PIEZO1: variants seen among roughly 807,000 people sequenced by gnomAD.
PIEZO1 encodes piezo-type mechanosensitive ion channel component 1.
PIEZO1 carries 296 observed loss-of-function variants against 297.2 expected under a neutral mutation model. The observed-to-expected ratio is 1.00, with a 90% CI of 0.91 to 1.10. The LOEUF is 1.10. Ranked by LOEUF, PIEZO1 falls within the 50% of genes least tolerant of loss-of-function variation. The pLI is 0.00. For missense variants in PIEZO1, 5,018 were observed against 3,455.5 expected (o/e 1.45, Z -11.34); for synonymous variants, 2,427 against 1,507.5 (o/e 1.61, Z -14.13).
At chr16:88,757,646 G>C (rs1280266703) in intron 1 of PIEZO1, among the ~76,000 whole-genome samples, 2 of 152,184 alleles carry the variant, frequency 1.3e-5, no homozygotes, top group African/African-American at 4.8e-5. Flanking sequence ...GGAAGCAGGA[G>C]AGCCCGAGGG....
In PIEZO1 at chr16:88,734,939, C is replaced by T. The variant is rs1419431631; in HGVS notation, c.1784G>A (p.Gly595Asp). Residue 595 changes from glycine to aspartate, a missense_variant, in exon 14 of 51, where the codon GGC (glycine) becomes GAC (aspartate). Transcript: ENST00000301015. The part of the protein sequence containing the change: ...AGMFIVVSFA[G>D]RLVVYKIVYM... ...GACAATCTTGTAGACCACGAGGCGG[C>T]CGGCGAAGCTGACCACGATGAACAT... 3.2e-6 allele frequency: 5 copies of T among 1,550,352 alleles called. No homozygotes were observed. The Admixed American group carries it at 7.8e-5, about 24-fold the overall frequency.
At chr16:88,758,112 C>G (rs775683284) in intron 1 of PIEZO1, among the ~76,000 whole-genome samples, 12 of 152,148 alleles carry the variant, frequency 7.9e-5, no homozygotes, top group Non-Finnish European at 1.8e-4. Flanking sequence ...CCTCCTCAGC[C>G]CTGTGGTCCC....
chr16:88,734,282 A>ACTCCCACCTGG, intron 16 of PIEZO1, 74 bp downstream of exon 16: 1 of 1,362,844 alleles, frequency 7.3e-7, no homozygotes, highest in Non-Finnish European at 9.8e-7. Context: ...CTCCTGTCCA[A>ACTCCCACCTGG]CTCCCACCTG....
At chr16:88,777,156 A>T (rs1398826662) in intron 1 of PIEZO1, among the ~76,000 whole-genome samples, 1 of 152,208 alleles carries the variant, frequency 6.6e-6, no homozygotes, top group Admixed American at 6.5e-5. Context: ...TATTTTCAGT[A>T]GGGACAGGGT....
intron 1 of PIEZO1, among the ~76,000 whole-genome samples, chr16:88,761,714 C>T (rs544249446): frequency 4.6e-5 from 7 of 152,172 alleles, no homozygotes; most frequent in Admixed American, 1.3e-4. Context: ...GCCTGGGTGG[C>T]CCTTCCCCCA....
intron 2 of PIEZO1, chr16:88,744,118 C>T (rs1038534807): frequency 6.0e-5 from 10 of 166,142 alleles, no homozygotes; most frequent in Non-Finnish European, 1.1e-4. Flanking sequence ...AGTCTGGCAG[C>T]AGGAGGGCAC....
chr16:88,731,706 C>T lies in PIEZO1; in HGVS notation c.3196G>A (p.Asp1066Asn). 1.3e-6 allele frequency: 2 copies of T among 1,549,030 alleles called. No individual in the cohort carries two copies. Among genetic ancestry groups the T allele is most frequent in the Non-Finnish European group, 1.7e-6 (2 of 1,146,438 alleles). ...CLGMPPALCI[D>N]YPWRWSRAVP... ...CCCACCCAAGCCACGTGCCCCTCAC[C>T]AATGCACAGGGCCGGGGGCATCCCC... is the stretch of plus-strand genomic sequence containing the variant. Residue 1066 changes from aspartate (D) to asparagine (N), a missense_variant and splice_region_variant, in exon 22 of 51, where the codon GAT becomes AAT. Physicochemically the swap from Asp to Asn is conservative, Grantham distance 23 (BLOSUM62 1). Coordinates refer to ENST00000301015, the MANE Select transcript of PIEZO1 (RefSeq NM_001142864.4).
intron 10 of PIEZO1, chr16:88,737,330 C>G (rs1184812284): frequency 2.0e-6 from 1 of 510,496 alleles, no homozygotes; most frequent in African/African-American, 2.1e-5. Context: ...GACGCGGCCA[C>G]TCAGCTGCCC....
In PIEZO1 at chr16:88,722,992, G is replaced by T. The variant is rs1904293114; in HGVS notation, c.4513C>A (p.Gln1505Lys). The T allele has an allele frequency of 1.3e-6, 2 of 1,498,270 alleles. No homozygotes were observed. Among genetic ancestry groups the T allele is most frequent in the Admixed American group, 2.0e-5 (1 of 50,638 alleles). The allele number at this position is 1,498,270 out of a possible 1,614,324, so 92.8% of individuals were successfully genotyped here. Residue 1505 changes from glutamine to lysine, a missense_variant, in exon 34 of 51, where the codon CAG becomes AAG. Coordinates refer to ENST00000301015, the MANE Select transcript of PIEZO1 (RefSeq NM_001142864.4). ...AACTGCGCCGTGCTCAGCACCCTCTGCACCACATGGCTCCGGCCTGCGGGA... is the reference window on the plus strand; with the variant it reads ...AACTGCGCCGTGCTCAGCACCCTCTTCACCACATGGCTCCGGCCTGCGGGA... ...EAAAGRSHVV[Q>K]RVLSTAQFLW... is the part of the protein sequence containing the mutation.
chr16:88,779,595 C>T (rs1211957127), intron 1 of PIEZO1, among the ~76,000 whole-genome samples: 2 of 152,308 alleles, frequency 1.3e-5, no homozygotes, highest in African/African-American at 4.8e-5. Flanking sequence ...ACAGGACCGG[C>T]GTGAGAGGAT....
intron 2 of PIEZO1, chr16:88,743,469 A>G: frequency 2.2e-6 from 1 of 447,462 alleles, no homozygotes; most frequent in Non-Finnish European, 4.5e-6. Flanking sequence ...CCTTCTCACA[A>G]CTTCCTGGAG....
At chr16:88,753,881 G>C (rs1331358972) in intron 1 of PIEZO1, among the ~76,000 whole-genome samples, 2 of 152,228 alleles carry the variant, frequency 1.3e-5, no homozygotes, top group African/African-American at 4.8e-5. Flanking sequence ...TCGCAGATCA[G>C]GCTCAGGCAG....
rs759756482 is a variant in PIEZO1 at position 88,734,351 on chromosome 16, C to G, written c.2180+5G>C. On this transcript the variant is annotated splice_donor_5th_base_variant and intron_variant, in intron 16 of 50. Coordinates refer to ENST00000301015, the MANE Select transcript of PIEZO1 (RefSeq NM_001142864.4). ...CAGGGCCGGACAGGGAGGGCGGGGCCGCACCTGTGAGCCCAGCGCGGGAGG... is the reference window on the plus strand; with the variant it reads ...CAGGGCCGGACAGGGAGGGCGGGGCGGCACCTGTGAGCCCAGCGCGGGAGG... 4 of 1,517,460 alleles carry G rather than the reference C, an allele frequency of 2.6e-6. No individual in the cohort carries two copies. Among genetic ancestry groups the G allele is most frequent in the South Asian group, 2.5e-5 (2 of 78,918 alleles). 94.0% of individuals were successfully genotyped at this position (1,517,460 alleles called of 1,614,324 possible). A position where few individuals can be genotyped will look rare whatever the true frequency, so the allele number is the denominator to read the frequency against.
Position 88,732,436 on chromosome 16 carries a change from G to C in PIEZO1, c.2890C>G (p.Gln964Glu). 6.5e-7 allele frequency: 1 copy of C among 1,549,688 alleles called. No individual in the cohort carries two copies. The highest frequency in any genetic ancestry group is 8.7e-7 in the Non-Finnish European group (1 of 1,146,518). The change falls in exon 21 of 51, where the codon CAG becomes GAG. Residue 964 changes from glutamine (Q) to glutamate (E), a missense_variant. Transcript: ENST00000301015. The part of the protein sequence containing the change: ...RQHQLAPLPA[Q>E]AVFASGTRQQ... ...CGGGTGCCGCTGGCAAACACGGCCT[G>C]GGCAGGCAGCGGGGCCAGCTGGTGC...
intron 1 of PIEZO1, among the ~76,000 whole-genome samples, chr16:88,757,107 C>A (rs113995428): frequency 2.0e-5 from 3 of 152,056 alleles, no homozygotes; most frequent in African/African-American, 7.2e-5. Flanking sequence ...GCTGGGGAGC[C>A]GCACTGGCCC....
intron 2 of PIEZO1, chr16:88,745,665 C>T (rs1906002972): frequency 6.8e-6 from 1 of 146,840 alleles, no homozygotes; most frequent in African/African-American, 2.5e-5. Flanking sequence ...ATCACTTTCA[C>T]TTAAACCCAG....
intron 1 of PIEZO1, among the ~76,000 whole-genome samples, chr16:88,753,829 T>C (rs964492033): frequency 1.3e-5 from 2 of 152,218 alleles, no homozygotes; most frequent in Non-Finnish European, 2.9e-5. Flanking sequence ...GCATTGCTTT[T>C]GGCCCTGAAG....
At chr16:88,759,890 G>C (rs1906847538) in intron 1 of PIEZO1, among the ~76,000 whole-genome samples, 1 of 152,160 alleles carries the variant, frequency 6.6e-6, no homozygotes, top group Non-Finnish European at 1.5e-5. Context: ...GGGAAGCTGT[G>C]TGGGGAGGGG....
intron 5 of PIEZO1, chr16:88,741,272 C>G (rs1055722099): frequency 1.9e-6 from 1 of 525,630 alleles, no homozygotes; most frequent in South Asian, 2.5e-5. Context: ...TGACTAGAGG[C>G]AGAGCCCGAG....
Sources: allele counts gnomAD v4.1 joint callset (sites outside exome capture counted in the v4.1 genomes callset), GRCh38; gene constraint gnomAD v4.1.1; transcripts MANE v1.5; gene names NCBI Gene and HGNC (gene_info 2026-07-23, HGNC 2026-07-21).